PCDH15: variants seen among roughly 807,000 people sequenced by gnomAD.
PCDH15 encodes protocadherin-15.
In PCDH15, 129 loss-of-function variants were observed where a neutral mutation model predicts 178.5. That is an observed-to-expected ratio of 0.72 (90% CI 0.63 to 0.84). The LOEUF is 0.84. PCDH15 is among the 40% of genes least tolerant of loss of function. The pLI, the probability that PCDH15 is intolerant of heterozygous loss-of-function variation, is 0.00. For missense variants in PCDH15, 2,230 were observed against 2,099.9 expected, an observed-to-expected ratio of 1.06 and a Z score of -1.21; for synonymous variants, 800 against 732.0, an observed-to-expected ratio of 1.09 and a Z score of -1.50.
intron 1 of PCDH15, chr10:55,247,765 A>T (rs950096004): frequency 4.6e-5 from 7 of 151,924 alleles, no homozygotes; most frequent in Non-Finnish European, 1.0e-4. Flanking sequence ...AAACATATAC[A>T]AATTGGCCAG....
intron 1 of PCDH15, among the ~76,000 whole-genome samples, chr10:55,318,283 A>G (rs943830126): frequency 6.6e-6 from 1 of 152,148 alleles, no homozygotes; most frequent in Middle Eastern, 3.2e-3. Context: ...GTGGATATCA[A>G]TGAGCTCAAA....
chr10:53,806,807 A>C lies in PCDH15; in HGVS notation c.4995T>G (p.Asn1665Lys), dbSNP rs759850275. ...CAAATGTAACCAGAGTTGGTCTTGC[A>C]TTCATTTTTTCAGTAGAAAATGGCC... Reference protein sequence around the residue: ...SKGPFSTEKMNARPTLVTFAP... With the variant: ...SKGPFSTEKMKARPTLVTFAP... Residue 1665 changes from asparagine to lysine, a missense_variant, in exon 38 of 38, where the codon AAT becomes AAG. Asn to Lys is a moderately conservative substitution (Grantham distance 94). Coordinates refer to ENST00000644397, the MANE Select transcript of PCDH15 (RefSeq NM_001384140.1). 7 of 1,613,702 alleles carry C rather than the reference A, an allele frequency of 4.3e-6. No individual in the cohort carries two copies. The Admixed American group carries it at 1.0e-4, about 23-fold the overall frequency.
At chr10:54,572,029 T>C (rs974833009) in intron 2 of PCDH15, among the ~76,000 whole-genome samples, 9 of 152,146 alleles carry the variant, frequency 5.9e-5, no homozygotes, top group African/African-American at 1.7e-4. Flanking sequence ...TTATTTGCAC[T>C]CCTAAACCTC....
chr10:54,082,104 A>C (rs1355283395), intron 16 of PCDH15, among the ~76,000 whole-genome samples: 1 of 152,158 alleles, frequency 6.6e-6, no homozygotes, highest in Non-Finnish European at 1.5e-5. Flanking sequence ...GTGTGACACT[A>C]TGGTCTTTGT....
intron 2 of PCDH15, among the ~76,000 whole-genome samples, chr10:55,353,525 T>C (rs1377015815): frequency 6.6e-6 from 1 of 152,092 alleles, no homozygotes; most frequent in Non-Finnish European, 1.5e-5. Flanking sequence ...AAACTGATAT[T>C]CCTACCTTAA....
chr10:53,973,131 G>GT (rs1480972334), intron 21 of PCDH15, among the ~76,000 whole-genome samples: 1 of 152,072 alleles, frequency 6.6e-6, no homozygotes, highest in Non-Finnish European at 1.5e-5. Flanking sequence ...ATGAGCTCAT[G>GT]TCCTTTGTAG....
chr10:54,269,565 A>G (rs2057915640), intron 8 of PCDH15, among the ~76,000 whole-genome samples: 2 of 152,006 alleles, frequency 1.3e-5, no homozygotes, highest in Non-Finnish European at 2.9e-5. Context: ...GCATTATGAA[A>G]TATGATTCTT....
intron 2 of PCDH15, among the ~76,000 whole-genome samples, chr10:55,501,313 A>G (rs955098997): frequency 6.6e-6 from 1 of 151,752 alleles, no homozygotes; most frequent in Non-Finnish European, 1.5e-5. Context: ...GAACTGTGAG[A>G]GATTAAATTG....
intron 2 of PCDH15, among the ~76,000 whole-genome samples, chr10:55,570,276 T>C (rs928361822): frequency 2.5e-4 from 38 of 151,970 alleles, no homozygotes; most frequent in Non-Finnish European, 1.9e-4. Flanking sequence ...CAAACATTAT[T>C]AAGAGGTTTT....
chr10:54,182,203 G>T (rs2048052059), intron 13 of PCDH15, among the ~76,000 whole-genome samples: 1 of 152,184 alleles, frequency 6.6e-6, no homozygotes, highest in Non-Finnish European at 1.5e-5. Flanking sequence ...CTTAGCTCAG[G>T]CAATCCGCTC....
At chr10:54,221,756 C>T (rs762212005) in intron 9 of PCDH15, among the ~76,000 whole-genome samples, 62 of 152,250 alleles carry the variant, frequency 4.1e-4, no homozygotes, top group Non-Finnish European at 7.6e-4. Context: ...GTGCCCACCA[C>T]CACGCCCAGC....
At chr10:55,147,115 T>C (rs1434385404) in intron 2 of PCDH15, among the ~76,000 whole-genome samples, 1 of 151,576 alleles carries the variant, frequency 6.6e-6, no homozygotes, top group Admixed American at 6.6e-5. Flanking sequence ...GATGAAAATA[T>C]AATGATTAAT....
At chr10:54,806,797 C>A (rs1952785140) in intron 3 of PCDH15, among the ~76,000 whole-genome samples, 1 of 152,142 alleles carries the variant, frequency 6.6e-6, no homozygotes, top group African/African-American at 2.4e-5. Flanking sequence ...GCCACCACGC[C>A]AGGCTTAAGG....
intron 1 of PCDH15, among the ~76,000 whole-genome samples, chr10:54,739,075 AT>A (rs1315846835): frequency 6.6e-6 from 1 of 152,056 alleles, no homozygotes; most frequent in Non-Finnish European, 1.5e-5. Flanking sequence ...GAATGAAGCA[AT>A]AAAAGTGAAT....
intron 2 of PCDH15, among the ~76,000 whole-genome samples, chr10:54,999,341 T>G (rs745414590): frequency 1.4e-4 from 22 of 152,140 alleles, no homozygotes; most frequent in Non-Finnish European, 3.1e-4. Flanking sequence ...GATAGTACAT[T>G]ATTTATTTTG....
intron 3 of PCDH15, among the ~76,000 whole-genome samples, chr10:54,429,512 G>A (rs1165281615): frequency 6.6e-6 from 1 of 152,038 alleles, no homozygotes; most frequent in Non-Finnish European, 1.5e-5. Flanking sequence ...TGGACTAAAT[G>A]CTTCAATCAT....
intron 3 of PCDH15, among the ~76,000 whole-genome samples, chr10:54,892,249 T>G (rs1459106423): frequency 6.6e-6 from 1 of 152,152 alleles, no homozygotes; most frequent in Non-Finnish European, 1.5e-5. Context: ...TGGAGGCTTC[T>G]GTTGTAGGCT....
At chr10:53,836,325 G>A (rs2077304684) in intron 29 of PCDH15, among the ~76,000 whole-genome samples, 1 of 152,126 alleles carries the variant, frequency 6.6e-6, no homozygotes, top group South Asian at 2.1e-4. Flanking sequence ...GGCTGTACAA[G>A]GAGAACAGAG....
intron 3 of PCDH15, among the ~76,000 whole-genome samples, chr10:54,425,915 C>T (rs1026664638): frequency 2.0e-5 from 3 of 151,922 alleles, no homozygotes; most frequent in African/African-American, 7.3e-5. Flanking sequence ...TAGCATTGGA[C>T]CAGAATAGTC....
Sources: allele counts gnomAD v4.1 joint callset (sites outside exome capture counted in the v4.1 genomes callset), GRCh38; gene constraint gnomAD v4.1.1; transcripts MANE v1.5; gene names NCBI Gene and HGNC (gene_info 2026-07-23, HGNC 2026-07-21).